Variants in CSMD1 observed in about 807,000 individuals in gnomAD.
CSMD1 encodes CUB and Sushi multiple domains 1.
CSMD1 carries 213 observed loss-of-function variants against 417.5 expected under a neutral mutation model. The observed-to-expected ratio is 0.51, with a 90% confidence interval of 0.46 to 0.57. CSMD1 has a LOEUF of 0.57. Among genes scored for constraint, CSMD1 ranks in the 20% least tolerant of loss-of-function variants. The probability of loss-of-function intolerance (pLI) is 0.00; values close to 1 mark genes in which losing one functional copy is unlikely to be tolerated. For missense variants in CSMD1, 6,923 were observed against 4,529.7 expected, an observed-to-expected ratio of 1.53 and a Z score of -15.17; for synonymous variants, 2,862 against 1,736.8, an observed-to-expected ratio of 1.65 and a Z score of -16.11.
At chr8:4,702,235 T>G (rs1359084109) in intron 1 of CSMD1, among the ~76,000 whole-genome samples, 1 of 152,126 alleles carries the variant, frequency 6.6e-6, no homozygotes, top group Non-Finnish European at 1.5e-5. Context: ...AACAAACCTG[T>G]GCATGTACCC....
intron 7 of CSMD1, among the ~76,000 whole-genome samples, chr8:3,701,442 C>A (rs1042587689): frequency 1.3e-5 from 2 of 151,822 alleles, no homozygotes; most frequent in Non-Finnish European, 2.9e-5. Flanking sequence ...CTGCTGCTGG[C>A]GGTTATGGTG....
chr8:3,777,335 A>G (rs988092753), intron 5 of CSMD1, among the ~76,000 whole-genome samples: 2 of 152,094 alleles, frequency 1.3e-5, no homozygotes, highest in African/African-American at 4.8e-5. Flanking sequence ...CTACTCACAC[A>G]GTGCTCCAGA....
intron 3 of CSMD1, among the ~76,000 whole-genome samples, chr8:4,418,908 T>C (rs1214859228): frequency 1.3e-5 from 2 of 152,162 alleles, no homozygotes; most frequent in East Asian, 3.9e-4. Context: ...TTCTCAGCAT[T>C]ATTCCACACG....
chr8:3,803,648 G>A (rs903415874), intron 5 of CSMD1, among the ~76,000 whole-genome samples: 1 of 152,004 alleles, frequency 6.6e-6, no homozygotes, highest in Non-Finnish European at 1.5e-5. Flanking sequence ...AGGAGAGGAG[G>A]GTTCATAGAG....
chr8:4,910,282 C>T (rs192724087), intron 1 of CSMD1, among the ~76,000 whole-genome samples: 107 of 152,274 alleles, frequency 7.0e-4, no homozygotes, highest in Middle Eastern at 6.8e-3. Flanking sequence ...GAACAGTCAA[C>T]GCATATATCT....
At chr8:4,050,906 C>T (rs367905539) in intron 3 of CSMD1, among the ~76,000 whole-genome samples, 2 of 152,076 alleles carry the variant, frequency 1.3e-5, no homozygotes, top group African/African-American at 2.4e-5. Flanking sequence ...CCTACCTTTA[C>T]GTGAGTCTTG....
chr8:2,992,801 T>C (rs1003336891), intron 54 of CSMD1, among the ~76,000 whole-genome samples: 1 of 152,088 alleles, frequency 6.6e-6, no homozygotes, highest in Non-Finnish European at 1.5e-5. Context: ...GGAAGTGCCG[T>C]GTCTTGGCTC....
intron 1 of CSMD1, among the ~76,000 whole-genome samples, chr8:4,735,639 T>C (rs780389805): frequency 2.0e-5 from 3 of 152,184 alleles, no homozygotes; most frequent in East Asian, 1.9e-4. Flanking sequence ...AGAAGACTAA[T>C]AGAAGCTAGC....
chr8:4,047,153 C>A, intron 3 of CSMD1, among the ~76,000 whole-genome samples: 1 of 152,138 alleles, frequency 6.6e-6, no homozygotes, highest in Non-Finnish European at 1.5e-5. Context: ...TGCAACGGTT[C>A]CGTGAGCCTG....
chr8:3,910,101 C>T (rs2688326), intron 5 of CSMD1, among the ~76,000 whole-genome samples: 97,438 of 151,982 alleles, frequency 0.64, 32,299 homozygotes, highest in South Asian at 0.79. Context: ...GAAAGGAGAA[C>T]GGAACATCAA....
intron 7 of CSMD1, among the ~76,000 whole-genome samples, chr8:3,631,962 T>G (rs1466101058): frequency 6.6e-6 from 1 of 152,228 alleles, no homozygotes; most frequent in Admixed American, 6.5e-5. Flanking sequence ...TTCAACATAG[T>G]AGCCTCAAGT....
At chr8:4,733,540 T>C (rs1311650549) in intron 1 of CSMD1, among the ~76,000 whole-genome samples, 1 of 152,200 alleles carries the variant, frequency 6.6e-6, no homozygotes, top group Non-Finnish European at 1.5e-5. Flanking sequence ...AGATAGTGCA[T>C]TGCCCATTTA....
At chr8:3,493,529 G>T in intron 11 of CSMD1, 94 bp downstream of exon 11, 1 of 1,048,298 alleles carries the variant, frequency 9.5e-7, no homozygotes. Flanking sequence ...AAACACCTGA[G>T]GCCGAATTAC....
At chr8:3,307,320 G>A (rs1804951032) in intron 25 of CSMD1, among the ~76,000 whole-genome samples, 2 of 151,872 alleles carry the variant, frequency 1.3e-5, no homozygotes, top group African/African-American at 2.4e-5. Flanking sequence ...CATCCCAGCT[G>A]AGGCCCTCAC....
chr8:4,570,043 G>C (rs1322881260), intron 2 of CSMD1, among the ~76,000 whole-genome samples: 1 of 152,170 alleles, frequency 6.6e-6, no homozygotes, highest in Non-Finnish European at 1.5e-5. Context: ...TTTGGACTGA[G>C]ACAATGGGGT....
chr8:3,342,940 T>G (rs1807756765), intron 23 of CSMD1, among the ~76,000 whole-genome samples: 1 of 152,018 alleles, frequency 6.6e-6, no homozygotes, highest in African/African-American at 2.4e-5. Flanking sequence ...TTACCTCCGG[T>G]TGTATCAAAC....
Position 3,740,136 on chromosome 8 carries a change from A to C in CSMD1, c.931+13794T>G, listed in dbSNP as rs533081549. ...ATTTTTCTTTTTGAGATGGAGTTTCACTCTTGTCCTCCAGGCTGGAGTGCA... is the reference window on the plus strand; with the variant it reads ...ATTTTTCTTTTTGAGATGGAGTTTCCCTCTTGTCCTCCAGGCTGGAGTGCA... On this transcript the variant is annotated intron_variant, in intron 6 of 69. Transcript: ENST00000635120. Among the ~76,000 whole-genome samples the C allele has an allele frequency of 5.3e-5, 8 of 152,068 alleles. No individual in the cohort carries two copies. In the East Asian group the frequency reaches 1.4e-3, roughly 26 times the overall value.
intron 46 of CSMD1, among the ~76,000 whole-genome samples, chr8:3,101,467 G>A (rs1294493434): frequency 2.0e-5 from 3 of 152,168 alleles, no homozygotes; most frequent in African/African-American, 7.2e-5. Context: ...CTGACGCCCA[G>A]GCTGGAGTGC....
intron 4 of CSMD1, among the ~76,000 whole-genome samples, chr8:4,015,303 C>T (rs1047415127): frequency 6.6e-6 from 1 of 152,002 alleles, no homozygotes; most frequent in African/African-American, 2.4e-5. Flanking sequence ...TTATAGGCAC[C>T]CATAAAAAGC....
Sources: gnomAD v4.1 joint callset for allele counts (sites outside exome capture counted in the v4.1 genomes callset) on GRCh38, gnomAD v4.1.1 for gene constraint, MANE v1.5 for transcripts, NCBI Gene and HGNC (gene_info 2026-07-23, HGNC 2026-07-21) for gene names.